Variants in RNASEH1 observed in about 807,000 individuals in gnomAD.
The protein encoded by RNASEH1 is ribonuclease H type II.
In RNASEH1, 27 loss-of-function variants were observed where a neutral mutation model predicts 34.6. The observed-to-expected ratio is 0.78, with a 90% CI of 0.58 to 1.08. The LOEUF (loss-of-function observed/expected upper bound fraction) is 1.08, where lower values mean the gene tolerates loss of function less well. Ranked by LOEUF, RNASEH1 falls within the 50% of genes least tolerant of loss-of-function variation. The pLI is 0.00. For synonymous variants in RNASEH1, 162 were observed against 138.4 expected (o/e 1.17, Z -1.20); for missense variants, 349 against 373.6 (o/e 0.93, Z 0.54).
At chr2:3,554,613 G>T (rs765020750) in intron 2 of RNASEH1, among the ~76,000 whole-genome samples, 2 of 152,206 alleles carry the variant, frequency 1.3e-5, no homozygotes, top group Non-Finnish European at 2.9e-5. Flanking sequence ...TGACTAGGAG[G>T]TCTCTAAAGT....
At chr2:3,550,142 TAAAAAAA>T (rs1162099553) in intron 4 of RNASEH1, 21 of 241,328 alleles carry the variant, frequency 8.7e-5, no homozygotes, top group Non-Finnish European at 1.1e-4. Flanking sequence ...GACCGTGTCT[TAAAAAAA>T]AAAAAAAAAA....
chr2:3,553,458 G>A (rs1572327754), intron 2 of RNASEH1, among the ~76,000 whole-genome samples: 1 of 151,480 alleles, frequency 6.6e-6, no homozygotes, highest in East Asian at 2.0e-4. Flanking sequence ...TGGCGCGATC[G>A]TGGCTCACTG....
chr2:3,539,230 C>G (rs1428819424), downstream of RNASEH1, among the ~76,000 whole-genome samples: 1 of 152,050 alleles, frequency 6.6e-6, no homozygotes, highest in Non-Finnish European at 1.5e-5. Context: ...TGTTGAGGTA[C>G]TGCTTTTAAT....
At chr2:3,549,944 T>G in intron 4 of RNASEH1, among the ~76,000 whole-genome samples, 1 of 137,152 alleles carries the variant, frequency 7.3e-6, no homozygotes, top group East Asian at 2.1e-4. Context: ...AGACTCCGTC[T>G]CAGGAAAAAA....
Position 3,554,150 on chromosome 2 carries a change from A to G in RNASEH1, c.245-1842T>C, listed in dbSNP as rs141518174. ...CCCTAAGGGCGCCGGGCAACACTTG[A>G]CTGTGATCAGCACGACGTCAGCAAC... On this transcript the variant is annotated intron_variant, in intron 2 of 7. Coordinates refer to ENST00000315212, the MANE Select transcript of RNASEH1 (RefSeq NM_002936.6). Among the ~76,000 whole-genome samples, 953 of 152,328 alleles carry G rather than the reference A, an allele frequency of 6.3e-3. 9 individuals carry two copies. The highest frequency in any genetic ancestry group is 0.022 in the African/African-American group (895 of 41,564).
the RNASEH1 span, chr2:3,531,976 C>T: frequency 4.7e-5 from 20 of 422,606 alleles, no homozygotes; most frequent in Non-Finnish European, 8.2e-5. Context: ...AGGCCGAACA[C>T]TGCGACATAG....
Position 3,557,883 on chromosome 2 carries a change from G to A in RNASEH1, c.128+250C>T, listed in dbSNP as rs921672164. ...GAGGATTAAACACAGGGTTTATTAG[G>A]CCACCCCTAACCTTTACGCGACGTT... is the stretch of plus-strand genomic sequence containing the variant. On this transcript the variant is annotated intron_variant, in intron 1 of 7. Transcript: ENST00000315212. The A allele has an allele frequency of 2.7e-6, 4 of 1,493,028 alleles. No homozygotes were observed. In the African/African-American group the frequency reaches 4.2e-5, roughly 16 times the overall value. 92.5% of individuals were successfully genotyped at this position (1,493,028 alleles called of 1,614,324 possible).
chr2:3,535,657 A>G, the RNASEH1 span, among the ~76,000 whole-genome samples: 12 of 151,436 alleles, frequency 7.9e-5, no homozygotes, highest in African/African-American at 2.9e-4. Context: ...ACAGGGGGAC[A>G]CCTGTGGGTG....
chr2:3,551,830 G>A (rs1659948276), intron 3 of RNASEH1, among the ~76,000 whole-genome samples: 1 of 152,188 alleles, frequency 6.6e-6, no homozygotes, highest in Non-Finnish European at 1.5e-5. Context: ...CTGCGTGTGA[G>A]GTGTTATTTG....
At chr2:3,536,835 C>T (rs1396142240), downstream of RNASEH1, 1 of 152,246 alleles carries the variant, frequency 6.6e-6, no homozygotes, top group Non-Finnish European at 1.5e-5. Context: ...GGTCAAGGTT[C>T]CCGCTGGTTC....
chr2:3,549,952 A>G (rs1669126608), intron 4 of RNASEH1, among the ~76,000 whole-genome samples: 1 of 150,296 alleles, frequency 6.7e-6, no homozygotes, highest in African/African-American at 2.4e-5. Flanking sequence ...TCTCAGGAAA[A>G]AAAAAAAAAA....
chr2:3,556,608 C>G (rs1406110275), intron 2 of RNASEH1, among the ~76,000 whole-genome samples, 181 bp downstream of exon 2: 1 of 152,236 alleles, frequency 6.6e-6, no homozygotes, highest in Non-Finnish European at 1.5e-5. Flanking sequence ...ATCCCTAATA[C>G]TGTAAGTAAT....
chr2:3,532,154 G>A, the RNASEH1 span: 39 of 661,776 alleles, frequency 5.9e-5, no homozygotes, highest in Admixed American at 1.5e-4. Context: ...TGTGTCTTCC[G>A]TGTCAGCTAA....
intron 6 of RNASEH1, among the ~76,000 whole-genome samples, 154 bp downstream of exon 6, chr2:3,548,486 A>G (rs1441600474): frequency 6.6e-6 from 1 of 152,230 alleles, no homozygotes; most frequent in Non-Finnish European, 1.5e-5. Flanking sequence ...GAGCAGCAGA[A>G]GGGAGACTCC....
Position 3,552,280 on chromosome 2 carries a change from C to T in RNASEH1, c.273G>A (p.Ser91=), listed in dbSNP as rs759920749. 1.6e-5 allele frequency: 26 copies of T among 1,613,868 alleles called. No homozygotes were observed. In the Admixed American group the frequency reaches 2.5e-4, roughly 16 times the overall value. ...EGHENQHGQE[S]EAKASKRLRE... ...GGAGTCGCTTGCTGGCTTTCGCCTC[C>T]GATTCTTGTCCATGTTGATTTTCAT... Residue 91 remains serine (S), a synonymous_variant, in exon 3 of 8, where the codon TCG becomes TCA. Transcript: ENST00000315212.
chr2:3,545,605 T>C lies in RNASEH1; in HGVS notation c.*180A>G. On this transcript the variant is annotated 3_prime_UTR_variant, in exon 8 of 8. Transcript: ENST00000315212. ...AATCTCAAAGATGTTCAATTTATTA[T>C]ATACTTAACCATTTTTTATAAACAC... 1.7e-6 allele frequency: 1 copy of C among 599,198 alleles called. No homozygotes were observed. Among genetic ancestry groups the C allele is most frequent in the Middle Eastern group, 2.9e-4 (1 of 3,506 alleles). The allele number at this position is 599,198 out of a possible 1,614,324, so 37.1% of individuals were successfully genotyped here.
In RNASEH1 at chr2:3,550,366, A is replaced by T; in HGVS notation, c.509+7T>A. 6.2e-7 allele frequency: 1 copy of T among 1,605,204 alleles called. No homozygotes were observed. The highest frequency in any genetic ancestry group is 8.5e-7 in the Non-Finnish European group (1 of 1,171,922). On this transcript the variant is annotated splice_region_variant and intron_variant, in intron 4 of 7. Coordinates refer to ENST00000315212, the MANE Select transcript of RNASEH1 (RefSeq NM_002936.6). ...GATTCAGTAAAACTCAGCTTCGTTTAACTTACAAAGGATGGCCTGGCCCCC... is the reference window on the plus strand; with the variant it reads ...GATTCAGTAAAACTCAGCTTCGTTTTACTTACAAAGGATGGCCTGGCCCCC...
At chr2:3,536,616 A>G (rs1051846663), downstream of RNASEH1, 1 of 152,278 alleles carries the variant, frequency 6.6e-6, no homozygotes, top group Non-Finnish European at 1.5e-5. Flanking sequence ...TTTGAGCCCC[A>G]TCTCTCTCCT....
At chr2:3,549,299 T>A (rs1284150413) in intron 4 of RNASEH1, among the ~76,000 whole-genome samples, 187 bp from the exon 5 acceptor site, 2 of 152,184 alleles carry the variant, frequency 1.3e-5, no homozygotes, top group African/African-American at 4.8e-5. Context: ...ACCTTCTGAC[T>A]CTCATGGGTT....
Sources: allele counts gnomAD v4.1 joint callset (sites outside exome capture counted in the v4.1 genomes callset), GRCh38; gene constraint gnomAD v4.1.1; transcripts MANE v1.5; gene names NCBI Gene and HGNC (gene_info 2026-07-23, HGNC 2026-07-21).